Variants in PTN observed in about 807,000 individuals in gnomAD.
The protein encoded by PTN is heparin affin regulatory protein.
A neutral mutation model predicts 24.1 loss-of-function variants in PTN; 18 were observed. The observed-to-expected ratio is 0.75, with a 90% CI of 0.52 to 1.11. PTN has a LOEUF of 1.11. PTN is among the 50% of genes least tolerant of loss of function. PTN has a pLI of 0.00. For missense variants in PTN, 163 were observed against 198.8 expected (o/e 0.82, Z 1.08); for synonymous variants, 78 against 68.6 (o/e 1.14, Z -0.67).
intron 1 of PTN, among the ~76,000 whole-genome samples, chr7:137,308,091 T>C (rs1039835154): frequency 6.6e-6 from 1 of 152,180 alleles, no homozygotes; most frequent in African/African-American, 2.4e-5. Flanking sequence ...GCAATCTTAC[T>C]CTTTCTGACT....
intron 1 of PTN, among the ~76,000 whole-genome samples, chr7:137,278,105 A>T (rs1233900717): frequency 6.6e-6 from 1 of 151,350 alleles, no homozygotes; most frequent in Non-Finnish European, 1.5e-5. Flanking sequence ...CAGGAGATCG[A>T]GACCATCCTG....
chr7:137,286,496 T>C (rs1312322826), intron 1 of PTN, among the ~76,000 whole-genome samples: 4 of 152,242 alleles, frequency 2.6e-5, no homozygotes, highest in South Asian at 2.1e-4. Flanking sequence ...TCCAGAGGGG[T>C]AGAATAAGAA....
intron 4 of PTN, among the ~76,000 whole-genome samples, chr7:137,250,306 C>A (rs897074796): frequency 1.3e-5 from 2 of 152,176 alleles, no homozygotes; most frequent in Admixed American, 6.5e-5. Flanking sequence ...GGGCTGATTT[C>A]TTCTGAAGGT....
intron 1 of PTN, among the ~76,000 whole-genome samples, chr7:137,330,868 C>T (rs927649804): frequency 9.2e-5 from 14 of 152,146 alleles, no homozygotes; most frequent in Admixed American, 3.9e-4. Context: ...GGCAAATCCA[C>T]CCTAGAGGAA....
At chr7:137,326,426 C>T (rs1160173009) in intron 1 of PTN, 1 of 152,188 alleles carries the variant, frequency 6.6e-6, no homozygotes, top group Non-Finnish European at 1.5e-5. Context: ...GTCTAGATTA[C>T]AGATAGCCTT....
chr7:137,333,255 C>A (rs1293974749), intron 1 of PTN, among the ~76,000 whole-genome samples: 3 of 152,204 alleles, frequency 2.0e-5, no homozygotes, highest in Non-Finnish European at 2.9e-5. Context: ...GAGGCCTTCA[C>A]TAGATGCCCA....
intron 4 of PTN, among the ~76,000 whole-genome samples, chr7:137,233,282 C>T (rs965929968): frequency 2.0e-5 from 3 of 151,978 alleles, no homozygotes; most frequent in Non-Finnish European, 4.4e-5. Context: ...ATGTTTGCCA[C>T]TTACCAGCTC....
intron 1 of PTN, among the ~76,000 whole-genome samples, chr7:137,293,792 C>G (rs1482965427): frequency 6.6e-6 from 1 of 151,970 alleles, no homozygotes; most frequent in East Asian, 1.9e-4. Context: ...TGTCATCACT[C>G]AAAGTCCATA....
intron 1 of PTN, among the ~76,000 whole-genome samples, chr7:137,324,319 C>G (rs1810214721): frequency 6.7e-6 from 1 of 149,580 alleles, no homozygotes; most frequent in East Asian, 2.0e-4. Flanking sequence ...CGCCTAAGCC[C>G]AGGAGTGAAT....
chr7:137,340,304 T>C (rs1185520914), intron 1 of PTN, among the ~76,000 whole-genome samples: 1 of 152,202 alleles, frequency 6.6e-6, no homozygotes, highest in Non-Finnish European at 1.5e-5. Context: ...CCTTTTAAGA[T>C]ACTGTTTTAA....
At chr7:137,276,298 G>C (rs1809357724) in intron 1 of PTN, among the ~76,000 whole-genome samples, 1 of 152,182 alleles carries the variant, frequency 6.6e-6, no homozygotes, top group East Asian at 1.9e-4. Flanking sequence ...AATGACCCTA[G>C]AGACCCAGCT....
chr7:137,272,461 C>T (rs868793324), intron 1 of PTN, among the ~76,000 whole-genome samples: 8 of 152,220 alleles, frequency 5.3e-5, no homozygotes, highest in African/African-American at 1.9e-4. Context: ...AAAGCCTTTG[C>T]CAAGATGACA....
At chr7:137,287,546 T>C (rs1327641384) in intron 1 of PTN, 1 of 152,154 alleles carries the variant, frequency 6.6e-6, no homozygotes, top group East Asian at 1.9e-4. Context: ...TTCTGTTATA[T>C]ACAAGATTCT....
intron 1 of PTN, among the ~76,000 whole-genome samples, chr7:137,261,893 G>C (rs2128872694): frequency 1.3e-5 from 2 of 152,294 alleles, no homozygotes; most frequent in South Asian, 4.1e-4. Flanking sequence ...CTCTGGAATG[G>C]AGATCTTATG....
chr7:137,341,476 T>C (rs1360305445), intron 1 of PTN, among the ~76,000 whole-genome samples: 1 of 152,082 alleles, frequency 6.6e-6, no homozygotes, highest in Non-Finnish European at 1.5e-5. Flanking sequence ...GAATTATATA[T>C]AATACATATA....
rs562083880 is a variant in PTN, at chr7:137,259,339, G to A, written c.-1-4365C>T. Reference sequence around the variant, plus strand: ...AACTGTACTTTAGCGACCTATTTGGGGGATTAATACAGGATCTGGAGGCAA... The same window carrying A: ...AACTGTACTTTAGCGACCTATTTGGAGGATTAATACAGGATCTGGAGGCAA... On this transcript the variant is annotated intron_variant, in intron 1 of 4. Transcript: ENST00000348225. Among the ~76,000 whole-genome samples the A allele has an allele frequency of 3.3e-5, 5 of 152,046 alleles. No individual in the cohort carries two copies. In the South Asian group the frequency reaches 8.3e-4, roughly 25 times the overall value.
intron 4 of PTN, among the ~76,000 whole-genome samples, chr7:137,235,677 CAT>C (rs903757585): frequency 3.3e-5 from 5 of 152,046 alleles, no homozygotes; most frequent in African/African-American, 9.7e-5. Context: ...GTGTGGAAAA[CAT>C]GTGTACATGC....
chr7:137,257,486 C>CTGG (rs1450152715), intron 1 of PTN, among the ~76,000 whole-genome samples: 1 of 152,178 alleles, frequency 6.6e-6, no homozygotes, highest in Non-Finnish European at 1.5e-5. Context: ...GAGTTGGGCA[C>CTGG]TGGTACATCA....
chr7:137,279,482 G>A (rs1053138013), intron 1 of PTN, among the ~76,000 whole-genome samples: 2 of 152,106 alleles, frequency 1.3e-5, no homozygotes, highest in Non-Finnish European at 2.9e-5. Context: ...GCTTCCAGAG[G>A]AGCATAATTT....
Sources: allele counts gnomAD v4.1 joint callset (sites outside exome capture counted in the v4.1 genomes callset), GRCh38; gene constraint gnomAD v4.1.1; transcripts MANE v1.5; gene names NCBI Gene and HGNC (gene_info 2026-07-23, HGNC 2026-07-21).